PHF20L1: variants seen among roughly 807,000 people sequenced by gnomAD.
The protein encoded by PHF20L1 is PHD finger protein 20-like protein 1.
In PHF20L1, 44 loss-of-function variants were observed where a neutral mutation model predicts 125.5. The ratio of observed to expected loss-of-function variants is 0.35; its 90% CI spans 0.28 to 0.45. The LOEUF is 0.45. PHF20L1 is among the 20% of genes least tolerant of loss of function. PHF20L1 has a pLI of 1.00. For synonymous variants in PHF20L1, 380 were observed against 403.1 expected (o/e 0.94, Z 0.69); for missense variants, 1,012 against 1,217.2 (o/e 0.83, Z 2.51).
At position 132,844,037 on chromosome 8, in the gene PHF20L1, G is replaced by A. The variant is rs1479197423; in HGVS notation, c.2749-119G>A. 2.7e-6 allele frequency: 4 copies of A among 1,484,642 alleles called. No individual in the cohort carries two copies. In the African/African-American group the frequency reaches 5.7e-5, roughly 21 times the overall value. The allele number at this position is 1,484,642 out of a possible 1,614,324, so 92.0% of individuals were successfully genotyped here. On this transcript the variant is annotated intron_variant, in intron 19 of 20. Transcript: ENST00000395386. Reference sequence around the variant, plus strand: ...GCAGTACTTCTTTAAAGATACCCCTGGAGTCAGATTGGATCTCACTAACTG... The same window carrying A: ...GCAGTACTTCTTTAAAGATACCCCTAGAGTCAGATTGGATCTCACTAACTG...
Position 132,848,377 on chromosome 8 carries a change from G to A in PHF20L1, c.*2454G>A, listed in dbSNP as rs1455915401. The A allele has an allele frequency of 1.3e-5, 2 of 152,552 alleles. No homozygotes were observed. The highest frequency in any genetic ancestry group is 4.8e-5 in the African/African-American group (2 of 41,452). The allele number at this position is 152,552 out of a possible 1,614,324, so 9.4% of individuals were successfully genotyped here. A position where few individuals can be genotyped will look rare whatever the true frequency, so the allele number is the denominator to read the frequency against. ...CGCTGAGCTTTTCTTATTGAAGAGA[G>A]TGAATTAGTTTCTGAGAAGTCAGTC... On this transcript the variant is annotated 3_prime_UTR_variant, in exon 21 of 21. Coordinates refer to ENST00000395386, the MANE Select transcript of PHF20L1 (RefSeq NM_016018.5).
At position 132,804,658 on chromosome 8, in the gene PHF20L1, A is replaced by G. The variant is rs755245214; in HGVS notation, c.765A>G (p.Pro255=). ...ENVPKMVFPQ[P]ESTLSNKRKN... Reference sequence around the variant, plus strand: ...TTCCAAAGATGGTCTTTCCACAGCCAGAGAGCACATTATCAAACAAGAGGA... The same window carrying G: ...TTCCAAAGATGGTCTTTCCACAGCCGGAGAGCACATTATCAAACAAGAGGA... The change falls in exon 8 of 21, where the codon CCA becomes CCG. Residue 255 remains proline (P), a synonymous_variant. Transcript: ENST00000395386. The G allele has an allele frequency of 3.7e-6, 6 of 1,609,008 alleles. No homozygotes were observed. Among genetic ancestry groups the G allele is most frequent in the South Asian group, 3.3e-5 (3 of 90,922 alleles).
chr8:132,833,598 A>G (rs552235036), intron 15 of PHF20L1, among the ~76,000 whole-genome samples: 8 of 152,234 alleles, frequency 5.3e-5, no homozygotes, highest in African/African-American at 9.6e-5. Flanking sequence ...AGGTGATGCT[A>G]TGGAGAAGCA....
chr8:132,822,246 T>C (rs1835686340), intron 12 of PHF20L1, among the ~76,000 whole-genome samples: 1 of 151,976 alleles, frequency 6.6e-6, no homozygotes, highest in Non-Finnish European at 1.5e-5. Context: ...TCTTCTGCTG[T>C]GTTAACTTCC....
At chr8:132,777,043 C>G (rs1563770383) in intron 1 of PHF20L1, among the ~76,000 whole-genome samples, 1 of 152,160 alleles carries the variant, frequency 6.6e-6, no homozygotes, top group Non-Finnish European at 1.5e-5. Flanking sequence ...AGCATTACAA[C>G]CACTTTTATT....
At chr8:132,812,588 A>AT (rs1356919951) in intron 9 of PHF20L1, 1 of 983,360 alleles carries the variant, frequency 1.0e-6, no homozygotes, top group Non-Finnish European at 1.2e-6. Flanking sequence ...ATTATTTTAG[A>AT]TTTTCAGGAA....
intron 9 of PHF20L1, among the ~76,000 whole-genome samples, chr8:132,814,309 A>G (rs929985516): frequency 7.9e-5 from 12 of 151,924 alleles, no homozygotes; most frequent in Non-Finnish European, 1.6e-4. Flanking sequence ...GTCATTGGCA[A>G]TTATGGTTCC....
intron 9 of PHF20L1, 82 bp from the exon 10 acceptor site, chr8:132,814,555 G>T (rs1159345352): frequency 3.8e-5 from 36 of 940,970 alleles, no homozygotes; most frequent in Non-Finnish European, 4.8e-5. Flanking sequence ...GGATACTAAA[G>T]TTGCTTAACA....
intron 2 of PHF20L1, among the ~76,000 whole-genome samples, chr8:132,780,331 A>G (rs1830286348): frequency 6.6e-6 from 1 of 152,146 alleles, no homozygotes; most frequent in South Asian, 2.1e-4. Context: ...TAAATAGGAT[A>G]ATAAACTTAA....
chr8:132,801,378 C>G (rs887195470), intron 6 of PHF20L1, among the ~76,000 whole-genome samples: 5 of 151,834 alleles, frequency 3.3e-5, no homozygotes, highest in Admixed American at 1.3e-4. Context: ...GAATTCAGAA[C>G]TTAGAGAATC....
chr8:132,814,193 C>G (rs1475304972), intron 9 of PHF20L1, among the ~76,000 whole-genome samples: 4 of 151,708 alleles, frequency 2.6e-5, no homozygotes, highest in Non-Finnish European at 5.9e-5. Flanking sequence ...CCTTTACATT[C>G]AACTTAAAAG....
At chr8:132,802,280 A>T (rs2131547599) in intron 6 of PHF20L1, among the ~76,000 whole-genome samples, 1 of 150,546 alleles carries the variant, frequency 6.6e-6, no homozygotes, top group South Asian at 2.1e-4. Context: ...TTTTCTGTAC[A>T]CTTTTACTCC....
chr8:132,843,259 C>T, intron 19 of PHF20L1: 4 of 984,588 alleles, frequency 4.1e-6, no homozygotes, highest in Non-Finnish European at 4.8e-6. Context: ...AAAGGTGGCA[C>T]TCTAATTGTC....
Position 132,846,226 on chromosome 8 carries a change from T to G in PHF20L1, c.*303T>G. 4.7e-6 allele frequency: 1 copy of G among 213,550 alleles called. No homozygotes were observed. Among genetic ancestry groups the G allele is most frequent in the East Asian group, 9.7e-5 (1 of 10,284 alleles). The allele number at this position is 213,550 out of a possible 1,614,324, so 13.2% of individuals were successfully genotyped here. On this transcript the variant is annotated 3_prime_UTR_variant, in exon 21 of 21. Transcript: ENST00000395386. ...GTTCTCAGAATTTTTGAGTAGTTGC[T>G]TACGTGAAGCTCAAGATACCTGTAG...
At chr8:132,781,644 G>A (rs2131320926) in intron 2 of PHF20L1, among the ~76,000 whole-genome samples, 1 of 152,256 alleles carries the variant, frequency 6.6e-6, no homozygotes, top group Non-Finnish European at 1.5e-5. Flanking sequence ...TGTTGTCTGG[G>A]ATAGTCTCCA....
rs1028871934 is a variant in PHF20L1, at chr8:132,803,373, G to A, written c.508-446G>A. On this transcript the variant is annotated intron_variant, in intron 6 of 20. Transcript: ENST00000395386. ...TGTCCTAATAAGGAATAGCAATTTGGTAGGTGGGAATACACTATTTTTAAT... is the reference window on the plus strand; with the variant it reads ...TGTCCTAATAAGGAATAGCAATTTGATAGGTGGGAATACACTATTTTTAAT... Among the ~76,000 whole-genome samples, 14 of 152,012 alleles carry A rather than the reference G, an allele frequency of 9.2e-5. No homozygotes were observed. The South Asian group carries it at 2.7e-3, about 29-fold the overall frequency.
At position 132,817,064 on chromosome 8, in the gene PHF20L1, T is replaced by C; in HGVS notation, c.1360T>C (p.Ser454Pro). The change falls in exon 11 of 21, where the codon TCA becomes CCA. Residue 454 changes from serine (S) to proline (P), a missense_variant. By Grantham distance (74) the Ser-to-Pro change is moderately conservative (BLOSUM62 -1). Coordinates refer to ENST00000395386, the MANE Select transcript of PHF20L1 (RefSeq NM_016018.5). ...CAGTTCTCAAAATCAGCAAGAATCT[T>C]CAGTACCAGAGGGTAATGTATATTG... The part of the protein sequence containing the change: ...SISSQNQQES[S>P]VPEVPDVAHL... 1 of 1,574,112 alleles carries C rather than the reference T, an allele frequency of 6.4e-7. No homozygotes were observed. The highest frequency in any genetic ancestry group is 1.2e-5 in the South Asian group (1 of 85,038).
intron 9 of PHF20L1, chr8:132,812,335 A>G (rs1273502357): frequency 9.1e-6 from 9 of 984,720 alleles, no homozygotes; most frequent in Admixed American, 1.2e-4. Flanking sequence ...TCAATCTTTG[A>G]TTATGCACAA....
chr8:132,792,124 C>T (rs972492052), intron 2 of PHF20L1, among the ~76,000 whole-genome samples: 6 of 152,184 alleles, frequency 3.9e-5, no homozygotes, highest in Non-Finnish European at 7.4e-5. Context: ...GAATAAACTC[C>T]TTATTTTTTT....
Sources: allele counts gnomAD v4.1 joint callset (sites outside exome capture counted in the v4.1 genomes callset), GRCh38; gene constraint gnomAD v4.1.1; transcripts MANE v1.5; gene names NCBI Gene and HGNC (gene_info 2026-07-23, HGNC 2026-07-21).